The following CRACR2A variants were observed in gnomAD, a reference collection of about 807,000 sequenced individuals.
CRACR2A encodes EF-hand calcium-binding domain-containing protein 4B.
Under a neutral mutation model 90.5 loss-of-function variants are expected in CRACR2A, and 79 were observed. The observed-to-expected ratio is 0.87, with a 90% CI of 0.73 to 1.05. The LOEUF (loss-of-function observed/expected upper bound fraction) is 1.05. CRACR2A is among the 50% of genes least tolerant of loss of function. The probability of loss-of-function intolerance (pLI) is 0.00; values close to 1 mark genes in which losing one functional copy is unlikely to be tolerated. For missense variants in CRACR2A, 823 were observed against 897.2 expected (o/e 0.92, Z 1.06); for synonymous variants, 338 against 356.7 (o/e 0.95, Z 0.59).
intron 2 of CRACR2A, among the ~76,000 whole-genome samples, chr12:3,724,220 T>G (rs1349378830): frequency 6.6e-6 from 1 of 152,174 alleles, no homozygotes; most frequent in East Asian, 1.9e-4. Flanking sequence ...GTATTGGCCC[T>G]TTCTGAGTTC....
In CRACR2A at chr12:3,627,565, C is replaced by G; in HGVS notation, c.1818-15G>C. ...TGCACCGGTACCTGCCACAGAAGGG[C>G]CACGGGTCAGGCATGCACGGCCTTC... On this transcript the variant is annotated splice_polypyrimidine_tract_variant and intron_variant, in intron 16 of 19. Transcript: ENST00000440314. The G allele has an allele frequency of 6.4e-7, 1 of 1,551,566 alleles. No individual in the cohort carries two copies. The highest frequency in any genetic ancestry group is 8.7e-7 in the Non-Finnish European group (1 of 1,146,878).
At chr12:3,723,127 G>A (rs979394430) in intron 2 of CRACR2A, among the ~76,000 whole-genome samples, 19 of 152,320 alleles carry the variant, frequency 1.2e-4, no homozygotes, top group Admixed American at 9.8e-4. Flanking sequence ...TGGACTGCGA[G>A]CTCCTTGAGC....
chr12:3,641,860 T>G (rs1360272324), intron 12 of CRACR2A, 22 bp from the exon 13 acceptor site: 2 of 1,547,928 alleles, frequency 1.3e-6, no homozygotes, highest in Non-Finnish European at 1.7e-6. Flanking sequence ...CAAAATGTCC[T>G]CAGATCCATG....
chr12:3,651,822 A>G (rs769702909), intron 10 of CRACR2A, among the ~76,000 whole-genome samples: 2 of 151,994 alleles, frequency 1.3e-5, no homozygotes, highest in Non-Finnish European at 2.9e-5. Context: ...AGGTCACTAC[A>G]CCTCTCTGAG....
chr12:3,639,183 C>A lies in CRACR2A; in HGVS notation c.1272-729G>T, dbSNP rs143193758. ...TGGGTCAGAAGAAAGCCAGGCAGAGCATCTCCATCCACCTCTCCTTCCTCT... is the reference window on the plus strand; with the variant it reads ...TGGGTCAGAAGAAAGCCAGGCAGAGAATCTCCATCCACCTCTCCTTCCTCT... On this transcript the variant is annotated intron_variant, in intron 13 of 19. Coordinates refer to ENST00000440314, the MANE Select transcript of CRACR2A (RefSeq NM_001144958.2). Among the ~76,000 whole-genome samples the A allele has an allele frequency of 3.9e-3, 587 of 152,266 alleles. 5 individuals are homozygous for A. The highest frequency in any genetic ancestry group is 0.013 in the African/African-American group (539 of 41,548).
chr12:3,675,892 T>C (rs753866185), intron 6 of CRACR2A, among the ~76,000 whole-genome samples: 6 of 152,120 alleles, frequency 3.9e-5, no homozygotes, highest in Non-Finnish European at 5.9e-5. Flanking sequence ...GAAGGGATAT[T>C]CAATAGTGCC....
At chr12:3,663,543 G>T (rs1945076791) in intron 7 of CRACR2A, among the ~76,000 whole-genome samples, 3 of 152,132 alleles carry the variant, frequency 2.0e-5, no homozygotes. Flanking sequence ...GTTGCCTTGG[G>T]TTCCGGTCAA....
In CRACR2A at chr12:3,627,436, C is replaced by T. The variant is rs1160115263; in HGVS notation, c.1932G>A (p.Glu644=). The T allele has an allele frequency of 1.9e-5, 30 of 1,551,388 alleles. 1 individual carries two copies. The highest frequency in any genetic ancestry group is 2.4e-5 in the Non-Finnish European group (28 of 1,146,780). ...LSVRRWLSSV[E]EAVGDRVPVL... ...GCTCCTAGGAAGGTCGCCAGCTCAC[C>T]TCCACGCTGCTCAGCCACCGCCGGA... The change falls in exon 17 of 20, where the codon GAG becomes GAA. Residue 644 remains glutamate, a splice_region_variant and synonymous_variant. Transcript: ENST00000440314.
At chr12:3,714,843 T>G (rs1323206324) in intron 2 of CRACR2A, among the ~76,000 whole-genome samples, 2 of 152,178 alleles carry the variant, frequency 1.3e-5, no homozygotes, top group Non-Finnish European at 2.9e-5. Flanking sequence ...ACAAAGCAAT[T>G]TCACAAAAAC....
intron 7 of CRACR2A, among the ~76,000 whole-genome samples, chr12:3,671,547 G>A (rs1945242637): frequency 1.3e-5 from 2 of 152,116 alleles, no homozygotes; most frequent in Admixed American, 6.5e-5. Flanking sequence ...ATGCAGATTC[G>A]GTGGGGCTGG....
At chr12:3,722,517 C>T (rs1380990270) in intron 2 of CRACR2A, among the ~76,000 whole-genome samples, 5 of 152,094 alleles carry the variant, frequency 3.3e-5, no homozygotes, top group East Asian at 1.9e-4. Flanking sequence ...CACTCGAGAA[C>T]GAAGTGTGGA....
At chr12:3,684,770 T>G (rs1461391255) in intron 4 of CRACR2A, among the ~76,000 whole-genome samples, 1 of 152,226 alleles carries the variant, frequency 6.6e-6, no homozygotes, top group Non-Finnish European at 1.5e-5. Flanking sequence ...CTGTTGACAC[T>G]GTGCAGGCAT....
At chr12:3,735,387 AAAG>A (rs1282727882) in intron 1 of CRACR2A, among the ~76,000 whole-genome samples, 1 of 152,220 alleles carries the variant, frequency 6.6e-6, no homozygotes, top group Non-Finnish European at 1.5e-5. Flanking sequence ...GCTCCTCAGA[AAAG>A]AAATGAATTC....
chr12:3,737,271 A>G (rs1292831089), intron 1 of CRACR2A, among the ~76,000 whole-genome samples: 4 of 152,200 alleles, frequency 2.6e-5, no homozygotes, highest in Non-Finnish European at 5.9e-5. Context: ...ACCCTCAGGT[A>G]GAACACGCTT....
At chr12:3,666,337 G>GTGTGTT (rs776977978) in intron 7 of CRACR2A, among the ~76,000 whole-genome samples, 3 of 134,706 alleles carry the variant, frequency 2.2e-5, no homozygotes, top group South Asian at 2.6e-4. Flanking sequence ...CTGCGTGTGT[G>GTGTGTT]TGTGTGTGTG....
intron 18 of CRACR2A, among the ~76,000 whole-genome samples, chr12:3,618,223 T>C (rs1254164807): frequency 2.0e-5 from 3 of 151,748 alleles, no homozygotes; most frequent in South Asian, 2.1e-4. Flanking sequence ...GGTCCAGGTA[T>C]ATTTTGAAAT....
chr12:3,699,913 T>C (rs1472465602), intron 3 of CRACR2A, among the ~76,000 whole-genome samples: 1 of 152,204 alleles, frequency 6.6e-6, no homozygotes, highest in East Asian at 1.9e-4. Flanking sequence ...ATTTTTATCT[T>C]ATAATGAGTA....
chr12:3,652,071 C>G (rs924315094), intron 10 of CRACR2A, among the ~76,000 whole-genome samples: 2 of 152,118 alleles, frequency 1.3e-5, no homozygotes, highest in African/African-American at 4.8e-5. Flanking sequence ...TTCTCTCTTC[C>G]TCCCAACCCT....
chr12:3,667,097 T>C (rs1945164034), intron 7 of CRACR2A, among the ~76,000 whole-genome samples: 1 of 152,162 alleles, frequency 6.6e-6, no homozygotes, highest in South Asian at 2.1e-4. Context: ...CAAAGTTAGA[T>C]GCAAAGAGAA....
Sources: allele counts gnomAD v4.1 joint callset (sites outside exome capture counted in the v4.1 genomes callset), GRCh38; gene constraint gnomAD v4.1.1; transcripts MANE v1.5; gene names NCBI Gene and HGNC (gene_info 2026-07-23, HGNC 2026-07-21).